The following DACH1 variants were observed in gnomAD, a reference collection of about 807,000 sequenced individuals.
DACH1 encodes the protein dachshund homolog 1.
DACH1 carries 12 observed loss-of-function variants against 54.2 expected under a neutral mutation model. That is an observed-to-expected ratio of 0.22 (90% confidence interval 0.14 to 0.36). The LOEUF is 0.36. Among genes scored for constraint, DACH1 ranks in the 10% least tolerant of loss-of-function variants. DACH1 has a pLI of 1.00. For missense variants in DACH1, 805 were observed against 929.8 expected (o/e 0.87, Z 1.75); for synonymous variants, 386 against 366.2 (o/e 1.05, Z -0.62).
chr13:71,825,737 T>C (rs1888353365), intron 1 of DACH1, among the ~76,000 whole-genome samples: 1 of 152,172 alleles, frequency 6.6e-6, no homozygotes, highest in Non-Finnish European at 1.5e-5. Context: ...TTGTTTGGGC[T>C]ATTATGAATA....
chr13:71,543,738 A>G (rs1883288797), intron 6 of DACH1, among the ~76,000 whole-genome samples: 1 of 152,126 alleles, frequency 6.6e-6, no homozygotes, highest in Non-Finnish European at 1.5e-5. Context: ...TCATCTCCAA[A>G]AAATTCCCCT....
chr13:71,770,687 A>G (rs574853148), intron 1 of DACH1, among the ~76,000 whole-genome samples: 177 of 151,774 alleles, frequency 1.2e-3, no homozygotes, highest in African/African-American at 4.1e-3. Flanking sequence ...ACGTCCCCCT[A>G]AAGTAGGTGT....
intron 2 of DACH1, among the ~76,000 whole-genome samples, chr13:71,639,590 T>C (rs1877746148): frequency 6.6e-6 from 1 of 152,040 alleles, no homozygotes; most frequent in Non-Finnish European, 1.5e-5. Context: ...GACTTATAAA[T>C]CAAATAGACA....
chr13:71,441,993 C>T (rs1379481611), intron 10 of DACH1, among the ~76,000 whole-genome samples: 1 of 152,018 alleles, frequency 6.6e-6, no homozygotes, highest in Non-Finnish European at 1.5e-5. Context: ...ATAATCACAT[C>T]TGGGTAAATG....
chr13:71,555,550 G>A (rs185150299), intron 6 of DACH1, among the ~76,000 whole-genome samples: 89 of 151,690 alleles, frequency 5.9e-4, no homozygotes, highest in African/African-American at 2.0e-3. Context: ...CACCATATTG[G>A]TCAGGCTGGT....
At chr13:71,661,040 A>G (rs1414094668) in intron 2 of DACH1, among the ~76,000 whole-genome samples, 1 of 149,792 alleles carries the variant, frequency 6.7e-6, no homozygotes, top group Non-Finnish European at 1.5e-5. Context: ...GAACAATCTC[A>G]TGTCCTAGAC....
At chr13:71,767,423 C>T (rs1885684139) in intron 1 of DACH1, among the ~76,000 whole-genome samples, 1 of 151,956 alleles carries the variant, frequency 6.6e-6, no homozygotes, top group Admixed American at 6.6e-5. Context: ...AAAAATTAAT[C>T]ATGGTGAATT....
At chr13:71,577,622 C>T (rs945835580) in intron 3 of DACH1, among the ~76,000 whole-genome samples, 4 of 151,766 alleles carry the variant, frequency 2.6e-5, no homozygotes, top group African/African-American at 9.7e-5. Flanking sequence ...TGTTGGAGAC[C>T]ACAGGAAAAA....
chr13:71,669,305 G>A lies in DACH1; in HGVS notation c.964+12490C>T, dbSNP rs139524319. On this transcript the variant is annotated intron_variant, in intron 2 of 10. Coordinates refer to ENST00000613252, the MANE Select transcript of DACH1 (RefSeq NM_080759.6). The stretch of plus-strand genomic sequence containing the variant: ...GCCACTCCCCATTGTTTGAATTAGC[G>A]CCTGAGCTCCATCTCCTGTCAGATC... Among the ~76,000 whole-genome samples the A allele has an allele frequency of 4.9e-3, 740 of 152,128 alleles. 2 individuals carry two copies. Among genetic ancestry groups the A allele is most frequent in the Middle Eastern group, 0.017 (5 of 294 alleles).
At chr13:71,534,567 A>G (rs1882631633) in intron 6 of DACH1, among the ~76,000 whole-genome samples, 1 of 151,808 alleles carries the variant, frequency 6.6e-6, no homozygotes, top group African/African-American at 2.4e-5. Flanking sequence ...TGTTTTGATG[A>G]TGCCCAAAGT....
intron 10 of DACH1, among the ~76,000 whole-genome samples, chr13:71,459,166 A>G (rs1479443423): frequency 1.3e-5 from 2 of 152,060 alleles, no homozygotes; most frequent in East Asian, 3.9e-4. Flanking sequence ...TTAATGCAGT[A>G]CTTTAATGCA....
Position 71,478,059 on chromosome 13 carries a change from G to A in DACH1, c.1870+1110C>T, listed in dbSNP as rs1021329607. On this transcript the variant is annotated intron_variant, in intron 8 of 10. Coordinates refer to ENST00000613252, the MANE Select transcript of DACH1 (RefSeq NM_080759.6). ...TAGGAATCCCCGGGCCTGCTTTTAA[G>A]TTCTGTAAAAAAGGACTAAACAAAA... Among the ~76,000 whole-genome samples the A allele has an allele frequency of 5.3e-5, 8 of 152,248 alleles. No individual in the cohort carries two copies. In the East Asian group the frequency reaches 1.5e-3, roughly 29 times the overall value.
At chr13:71,844,166 A>G (rs190452976) in intron 1 of DACH1, among the ~76,000 whole-genome samples, 43 of 152,330 alleles carry the variant, frequency 2.8e-4, no homozygotes, top group Non-Finnish European at 7.4e-5. Flanking sequence ...CATTAATAGA[A>G]TTTAGAACTG....
intron 1 of DACH1, among the ~76,000 whole-genome samples, chr13:71,707,082 A>T (rs1882485893): frequency 6.6e-6 from 1 of 152,194 alleles, no homozygotes; most frequent in Admixed American, 6.5e-5. Flanking sequence ...CTGTGAGGAA[A>T]TTGACTAGGT....
At chr13:71,769,397 T>C (rs1594198908) in intron 1 of DACH1, among the ~76,000 whole-genome samples, 1 of 151,730 alleles carries the variant, frequency 6.6e-6, no homozygotes, top group African/African-American at 2.4e-5. Context: ...TTTCAAACTT[T>C]TGTGTGCAAT....
chr13:71,562,601 G>A (rs182470444), intron 4 of DACH1, among the ~76,000 whole-genome samples: 27 of 152,092 alleles, frequency 1.8e-4, no homozygotes, highest in African/African-American at 5.1e-4. Context: ...CATGGAAAAC[G>A]AATATATTAT....
chr13:71,584,959 GAGCAA>G (rs1280046116), intron 3 of DACH1, among the ~76,000 whole-genome samples: 1 of 151,834 alleles, frequency 6.6e-6, no homozygotes, highest in Non-Finnish European at 1.5e-5. Context: ...ACAGGCCAAG[GAGCAA>G]GAAATTGCAT....
intron 1 of DACH1, among the ~76,000 whole-genome samples, chr13:71,740,243 T>C (rs1884323849): frequency 6.6e-6 from 1 of 152,116 alleles, no homozygotes; most frequent in Non-Finnish European, 1.5e-5. Flanking sequence ...TTCTACTACC[T>C]ACATCAAATA....
At chr13:71,804,371 C>G (rs759764988) in intron 1 of DACH1, among the ~76,000 whole-genome samples, 1 of 151,978 alleles carries the variant, frequency 6.6e-6, no homozygotes, top group Non-Finnish European at 1.5e-5. Flanking sequence ...GAGAATGCAC[C>G]CAAGACATTC....
Sources: allele counts gnomAD v4.1 joint callset (sites outside exome capture counted in the v4.1 genomes callset), GRCh38; gene constraint gnomAD v4.1.1; transcripts MANE v1.5; gene names NCBI Gene and HGNC (gene_info 2026-07-23, HGNC 2026-07-21).